The following ABTB3 variants were observed in gnomAD, a reference collection of about 807,000 sequenced individuals.
ABTB3 encodes the protein ankyrin repeat and BTB domain containing 3.
chr12:107,625,809 T>TGGCTCCCC, the ABTB3 span, among the ~76,000 whole-genome samples: 1 of 152,178 alleles, frequency 6.6e-6, no homozygotes, highest in Non-Finnish European at 1.5e-5. Flanking sequence ...ATAAAAATCC[T>TGGCTCCCC]GGCTCCCTAC....
chr12:107,345,071 C>A, the ABTB3 span, among the ~76,000 whole-genome samples: 298 of 152,244 alleles, frequency 2.0e-3, no homozygotes, highest in African/African-American at 7.0e-3. Context: ...AGCTGGATAC[C>A]ACCCTTGCTT....
At chr12:107,440,722 A>C in the ABTB3 span, among the ~76,000 whole-genome samples, 7 of 152,288 alleles carry the variant, frequency 4.6e-5, no homozygotes, top group African/African-American at 1.4e-4. Flanking sequence ...GGATGGAAGA[A>C]GGAAAGAAGG....
chr12:107,376,693 C>A, the ABTB3 span, among the ~76,000 whole-genome samples: 21 of 152,272 alleles, frequency 1.4e-4, no homozygotes, highest in Non-Finnish European at 2.1e-4. Context: ...GAAACAAGTA[C>A]TACTGCTGTG....
chr12:107,596,987 C>A, the ABTB3 span, among the ~76,000 whole-genome samples: 6 of 152,242 alleles, frequency 3.9e-5, no homozygotes, highest in Non-Finnish European at 7.3e-5. Context: ...ACACAGCAGA[C>A]ACCTGCAACC....
At chr12:107,516,159 C>T in the ABTB3 span, among the ~76,000 whole-genome samples, 2 of 151,708 alleles carry the variant, frequency 1.3e-5, no homozygotes, top group Admixed American at 6.6e-5. Flanking sequence ...AGAAGAAAAT[C>T]CATTGACTAA....
chr12:107,543,862 A>C, the ABTB3 span: 27 of 1,390,142 alleles, frequency 1.9e-5, no homozygotes, highest in East Asian at 2.5e-5. Context: ...GGGTCTCCAC[A>C]GAGATCTTCA....
chr12:107,486,416 C>A, the ABTB3 span: 3 of 152,068 alleles, frequency 2.0e-5, no homozygotes, highest in South Asian at 6.2e-4. Flanking sequence ...AGTATATGGC[C>A]CACAAAACTG....
chr12:107,655,655 C>A, the ABTB3 span, among the ~76,000 whole-genome samples: 1 of 152,336 alleles, frequency 6.6e-6, no homozygotes, highest in African/African-American at 2.4e-5. Context: ...CGCAACGTTA[C>A]CTCTGTATTA....
the ABTB3 span, chr12:107,657,398 T>G: frequency 1.1e-6 from 1 of 917,310 alleles, no homozygotes; most frequent in Non-Finnish European, 1.7e-6. Context: ...AGAGACATTC[T>G]GCAGCCAGTC....
chr12:107,448,278 T>C, the ABTB3 span, among the ~76,000 whole-genome samples: 1 of 152,170 alleles, frequency 6.6e-6, no homozygotes, highest in South Asian at 2.1e-4. Flanking sequence ...AGTTAAGGTG[T>C]GTAATTATGG....
chr12:107,527,413 A>G, the ABTB3 span, among the ~76,000 whole-genome samples: 4 of 152,158 alleles, frequency 2.6e-5, no homozygotes, highest in African/African-American at 7.2e-5. Context: ...CTGGGACTAC[A>G]GGCATACACC....
At chr12:107,377,747 G>A in the ABTB3 span, among the ~76,000 whole-genome samples, 1 of 152,160 alleles carries the variant, frequency 6.6e-6, no homozygotes, top group African/African-American at 2.4e-5. Context: ...GGCAGAAATG[G>A]GATTAACATT....
the ABTB3 span, among the ~76,000 whole-genome samples, chr12:107,535,186 A>G: frequency 2.6e-5 from 4 of 152,258 alleles, no homozygotes; most frequent in Admixed American, 6.5e-5. Context: ...AAAGAACAAA[A>G]ACCACGTGAG....
At chr12:107,321,273 G>A in the ABTB3 span, among the ~76,000 whole-genome samples, 2 of 152,282 alleles carry the variant, frequency 1.3e-5, no homozygotes, top group African/African-American at 4.8e-5. Context: ...GCGGTGCCAA[G>A]GGTGTGCATG....
the ABTB3 span, among the ~76,000 whole-genome samples, chr12:107,463,682 A>T: frequency 6.6e-6 from 1 of 152,208 alleles, no homozygotes; most frequent in Non-Finnish European, 1.5e-5. Context: ...CATCAGCAAT[A>T]GCAAACACTG....
chr12:107,337,319 G>C, the ABTB3 span, among the ~76,000 whole-genome samples: 5 of 152,224 alleles, frequency 3.3e-5, no homozygotes, highest in Non-Finnish European at 5.9e-5. Flanking sequence ...TTTAAAGGTG[G>C]AAAGTCCTTC....
the ABTB3 span, chr12:107,543,949 C>T: frequency 3.7e-6 from 6 of 1,613,176 alleles, no homozygotes; most frequent in East Asian, 2.2e-5. Flanking sequence ...CCTGGTGTCC[C>T]GTGCAATGCA....
chr12:107,450,389 G>C, the ABTB3 span, among the ~76,000 whole-genome samples: 1 of 151,990 alleles, frequency 6.6e-6, no homozygotes, highest in Non-Finnish European at 1.5e-5. Context: ...AGATGACACG[G>C]GAGCCTTCAG....
the ABTB3 span, among the ~76,000 whole-genome samples, chr12:107,633,146 C>G: frequency 1.3e-5 from 2 of 152,166 alleles, no homozygotes; most frequent in Admixed American, 6.5e-5. Context: ...ATGTTGAAGT[C>G]CTAACCCCCA....
Sources: allele counts gnomAD v4.1 joint callset (sites outside exome capture counted in the v4.1 genomes callset), GRCh38; gene constraint gnomAD v4.1.1; transcripts MANE v1.5; gene names NCBI Gene and HGNC (gene_info 2026-07-23, HGNC 2026-07-21).